The following SPOCK1 variants were observed in gnomAD, a reference collection of about 807,000 sequenced individuals.
SPOCK1 encodes the protein testican-1.
SPOCK1 carries 23 observed loss-of-function variants against 55.3 expected under a neutral mutation model. The observed-to-expected ratio is 0.42, with a 90% CI of 0.30 to 0.59. SPOCK1 has a LOEUF of 0.59. SPOCK1 is among the 20% of genes least tolerant of loss of function. The pLI, the probability that SPOCK1 is intolerant of heterozygous loss-of-function variation, is 0.22. For missense variants in SPOCK1, 499 were observed against 552.5 expected (o/e 0.90, Z 0.97); for synonymous variants, 226 against 221.0 (o/e 1.02, Z -0.20).
At chr5:137,227,383 C>A (rs1259815163) in intron 3 of SPOCK1, among the ~76,000 whole-genome samples, 1 of 152,194 alleles carries the variant, frequency 6.6e-6, no homozygotes, top group Non-Finnish European at 1.5e-5. Flanking sequence ...GAAAAGTAGA[C>A]TTTGCTGCTT....
At chr5:137,079,075 T>C (rs965254926) in intron 5 of SPOCK1, among the ~76,000 whole-genome samples, 13 of 152,230 alleles carry the variant, frequency 8.5e-5, no homozygotes, top group Non-Finnish European at 1.6e-4. Context: ...AGGCTTCCTC[T>C]TGGATGCTTT....
At chr5:137,259,316 AG>A (rs1267439412) in intron 3 of SPOCK1, among the ~76,000 whole-genome samples, 1 of 152,260 alleles carries the variant, frequency 6.6e-6, no homozygotes, top group Non-Finnish European at 1.5e-5. Context: ...GCCATAAAAA[AG>A]GATGAGTTCA....
chr5:137,473,538 T>A (rs1247098327), intron 2 of SPOCK1, among the ~76,000 whole-genome samples: 1 of 152,212 alleles, frequency 6.6e-6, no homozygotes, highest in East Asian at 1.9e-4. Context: ...AAATTTCTAT[T>A]CCTCTCTATA....
At chr5:137,051,096 A>T (rs1014309123) in intron 6 of SPOCK1, among the ~76,000 whole-genome samples, 5 of 152,262 alleles carry the variant, frequency 3.3e-5, no homozygotes, top group Admixed American at 6.5e-5. Context: ...CCATGAAAAA[A>T]TATGAAAAAG....
At chr5:137,034,779 A>T (rs1377185942) in intron 6 of SPOCK1, among the ~76,000 whole-genome samples, 2 of 151,770 alleles carry the variant, frequency 1.3e-5, no homozygotes, top group East Asian at 1.9e-4. Flanking sequence ...GTGATGACAG[A>T]TCCACAGTTG....
chr5:137,038,067 G>C (rs138761489), intron 6 of SPOCK1, among the ~76,000 whole-genome samples: 1 of 152,300 alleles, frequency 6.6e-6, no homozygotes, highest in East Asian at 1.9e-4. Flanking sequence ...TGTCTCTCCC[G>C]TAAGTCTGTT....
chr5:137,101,376 G>A (rs1453027349), intron 5 of SPOCK1, among the ~76,000 whole-genome samples: 1 of 152,174 alleles, frequency 6.6e-6, no homozygotes, highest in Non-Finnish European at 1.5e-5. Context: ...TCGTGTTCAG[G>A]TAATTGCTTT....
chr5:137,181,742 G>T (rs1754974229), intron 3 of SPOCK1, among the ~76,000 whole-genome samples: 1 of 152,248 alleles, frequency 6.6e-6, no homozygotes, highest in Non-Finnish European at 1.5e-5. Context: ...AATGCAAAGT[G>T]TAAGCTAATC....
chr5:137,323,550 C>A (rs1261078548), intron 2 of SPOCK1, among the ~76,000 whole-genome samples: 2 of 149,286 alleles, frequency 1.3e-5, no homozygotes, highest in Admixed American at 1.3e-4. Flanking sequence ...ATGGGCTCAA[C>A]AGAAGGGGAA....
intron 2 of SPOCK1, among the ~76,000 whole-genome samples, chr5:137,476,628 A>G (rs1753842686): frequency 6.6e-6 from 1 of 152,158 alleles, no homozygotes; most frequent in Admixed American, 6.5e-5. Context: ...AACACATCAG[A>G]AGTCTTACAT....
intron 2 of SPOCK1, among the ~76,000 whole-genome samples, chr5:137,298,423 T>C (rs958539369): frequency 6.6e-6 from 1 of 152,258 alleles, no homozygotes; most frequent in Non-Finnish European, 1.5e-5. Flanking sequence ...GAATGGTTTC[T>C]CTTGGCAAAT....
intron 3 of SPOCK1, among the ~76,000 whole-genome samples, chr5:137,195,314 C>A (rs955533941): frequency 9.9e-5 from 15 of 152,206 alleles, no homozygotes; most frequent in African/African-American, 3.6e-4. Flanking sequence ...TCCAGGAAGG[C>A]CTCTCTCACA....
intron 6 of SPOCK1, among the ~76,000 whole-genome samples, chr5:137,029,577 T>A (rs1368404029): frequency 6.6e-6 from 1 of 152,216 alleles, no homozygotes; most frequent in Non-Finnish European, 1.5e-5. Flanking sequence ...CGGCTTGGCC[T>A]TAAAGTCCTC....
At chr5:137,482,490 A>T (rs923317509) in intron 2 of SPOCK1, among the ~76,000 whole-genome samples, 1 of 152,142 alleles carries the variant, frequency 6.6e-6, no homozygotes, top group African/African-American at 2.4e-5. Context: ...ATGTATATTG[A>T]CCATCTAGAG....
chr5:137,375,096 A>T (rs957471244), intron 2 of SPOCK1, among the ~76,000 whole-genome samples: 1 of 152,260 alleles, frequency 6.6e-6, no homozygotes, highest in African/African-American at 2.4e-5. Flanking sequence ...TTTTTAAAAA[A>T]ATCATTGGAA....
rs377750114 is a variant in SPOCK1, at chr5:137,386,156, C to T, written c.186+112217G>A. Among the ~76,000 whole-genome samples the T allele has an allele frequency of 1.3e-4, 20 of 152,208 alleles. No homozygotes were observed. In the East Asian group the frequency reaches 3.9e-3, roughly 29 times the overall value. ...TTAGCACCCAAATAAATGAAATACT[C>T]AAGTATAAATCTTAAAAAAGTACAA... On this transcript the variant is annotated intron_variant, in intron 2 of 10. Coordinates refer to ENST00000394945, the MANE Select transcript of SPOCK1 (RefSeq NM_004598.4).
At chr5:137,075,378 C>G (rs532252181) in intron 5 of SPOCK1, among the ~76,000 whole-genome samples, 1 of 152,156 alleles carries the variant, frequency 6.6e-6, no homozygotes, top group South Asian at 2.1e-4. Flanking sequence ...CGCTAGAGGG[C>G]GGCTCTCGGG....
chr5:137,343,995 C>A (rs1750498147), intron 2 of SPOCK1, among the ~76,000 whole-genome samples: 1 of 152,222 alleles, frequency 6.6e-6, no homozygotes, highest in African/African-American at 2.4e-5. Flanking sequence ...CCAGTGAACT[C>A]TTTTCCCCAC....
chr5:137,342,941 G>A (rs1319325225), intron 2 of SPOCK1, among the ~76,000 whole-genome samples: 1 of 152,212 alleles, frequency 6.6e-6, no homozygotes, highest in Non-Finnish European at 1.5e-5. Flanking sequence ...CAGGAAATGA[G>A]CTGAACCTCA....
Sources: gnomAD v4.1 joint callset for allele counts (sites outside exome capture counted in the v4.1 genomes callset) on GRCh38, gnomAD v4.1.1 for gene constraint, MANE v1.5 for transcripts, NCBI Gene and HGNC (gene_info 2026-07-23, HGNC 2026-07-21) for gene names.